The following WWOX variants were observed in gnomAD, a reference collection of about 807,000 sequenced individuals.
WWOX encodes WW domain containing oxidoreductase.
In WWOX, 69 loss-of-function variants were observed where a neutral mutation model predicts 46.2. The observed-to-expected ratio is 1.49, with a 90% CI of 1.23 to 1.82. The LOEUF is 1.82. WWOX is among the 40% of genes most tolerant of loss of function. The pLI is 0.00. For synonymous variants in WWOX, 359 were observed against 202.6 expected (o/e 1.77, Z -6.56); for missense variants, 919 against 542.6 (o/e 1.69, Z -6.89).
chr16:78,227,186 TCC>T (rs2037090030), intron 5 of WWOX, among the ~76,000 whole-genome samples: 1 of 152,238 alleles, frequency 6.6e-6, no homozygotes, highest in South Asian at 2.1e-4. Context: ...CTCTTTTTTA[TCC>T]CCAGGTAGAC....
chr16:79,005,999 C>T (rs1295008769), intron 8 of WWOX, among the ~76,000 whole-genome samples: 5 of 152,212 alleles, frequency 3.3e-5, no homozygotes, highest in Admixed American at 2.0e-4. Flanking sequence ...AGTCCCCTCT[C>T]TGCAACCATT....
chr16:78,947,993 C>G (rs1005023229), intron 8 of WWOX, among the ~76,000 whole-genome samples: 3 of 152,118 alleles, frequency 2.0e-5, no homozygotes, highest in Admixed American at 6.5e-5. Flanking sequence ...TAGAGGAAGT[C>G]AAAGGCAGAG....
At chr16:78,522,160 A>AAC (rs1567620261) in intron 8 of WWOX, among the ~76,000 whole-genome samples, 1 of 151,818 alleles carries the variant, frequency 6.6e-6, no homozygotes, top group Non-Finnish European at 1.5e-5. Flanking sequence ...AAAAAAAAAA[A>AAC]ACTTCAGAAG....
chr16:79,001,114 C>T (rs2047083814), intron 8 of WWOX, among the ~76,000 whole-genome samples: 2 of 152,208 alleles, frequency 1.3e-5, no homozygotes, highest in African/African-American at 4.8e-5. Context: ...TTTAATTAAA[C>T]ACATATCCCA....
intron 8 of WWOX, among the ~76,000 whole-genome samples, chr16:78,696,837 C>T (rs901619519): frequency 1.3e-5 from 2 of 152,066 alleles, no homozygotes; most frequent in African/African-American, 4.8e-5. Flanking sequence ...CCTCTCAGTC[C>T]CCAAAGTCCA....
At chr16:79,038,891 G>C (rs145366214) in intron 8 of WWOX, among the ~76,000 whole-genome samples, 78 of 152,258 alleles carry the variant, frequency 5.1e-4, no homozygotes, top group Non-Finnish European at 6.3e-4. Context: ...TTTTTAAAAA[G>C]ATGTAAAGCA....
intron 8 of WWOX, among the ~76,000 whole-genome samples, chr16:79,021,473 T>A (rs1210341007): frequency 1.3e-5 from 2 of 152,104 alleles, no homozygotes; most frequent in Non-Finnish European, 2.9e-5. Flanking sequence ...AATACAGTTG[T>A]CAAAATATTA....
In WWOX at chr16:78,723,218, T is replaced by C. The variant is rs112307494; in HGVS notation, c.1056+290466T>C. Among the ~76,000 whole-genome samples, 569 of 152,286 alleles carry C rather than the reference T, an allele frequency of 3.7e-3. 2 individuals carry two copies. Among genetic ancestry groups the C allele is most frequent in the African/African-American group, 0.013 (542 of 41,562 alleles). On this transcript the variant is annotated intron_variant, in intron 8 of 8. Transcript: ENST00000566780. ...TTTCTTAGCAGCTACAGAATACTTATTTTCTTCTTTATATTATAAGTTTAT... is the reference window on the plus strand; with the variant it reads ...TTTCTTAGCAGCTACAGAATACTTACTTTCTTCTTTATATTATAAGTTTAT...
chr16:78,398,216 A>T (rs1353992941), intron 6 of WWOX, among the ~76,000 whole-genome samples: 1 of 152,142 alleles, frequency 6.6e-6, no homozygotes, highest in Non-Finnish European at 1.5e-5. Context: ...CTGACCTGCA[A>T]ATAGCTACAC....
chr16:78,283,744 C>T (rs1224407202), intron 5 of WWOX, among the ~76,000 whole-genome samples: 1 of 150,700 alleles, frequency 6.6e-6, no homozygotes. Flanking sequence ...CTCCCCCAAA[C>T]AATGGTTACA....
At chr16:78,689,925 A>G (rs774450746) in intron 8 of WWOX, among the ~76,000 whole-genome samples, 12 of 152,136 alleles carry the variant, frequency 7.9e-5, no homozygotes, top group East Asian at 5.8e-4. Flanking sequence ...CAGTGATGCA[A>G]TCTTGGCTCA....
rs547718975 is a variant in WWOX at position 78,366,292 on chromosome 16, C to G, written c.517-20568C>G. On this transcript the variant is annotated intron_variant, in intron 5 of 8. Coordinates refer to ENST00000566780, the MANE Select transcript of WWOX (RefSeq NM_016373.4). ...CTTTTAGATTATTTAATAGAAGACACATTTTACAAGGCAAAGTGTTTAGAT... is the reference window on the plus strand; with the variant it reads ...CTTTTAGATTATTTAATAGAAGACAGATTTTACAAGGCAAAGTGTTTAGAT... Among the ~76,000 whole-genome samples, 5 of 152,332 alleles carry G rather than the reference C, an allele frequency of 3.3e-5. No individual in the cohort carries two copies. The East Asian group carries it at 9.6e-4, about 29-fold the overall frequency.
chr16:79,066,913 G>T (rs2048452111), intron 8 of WWOX, among the ~76,000 whole-genome samples: 1 of 152,206 alleles, frequency 6.6e-6, no homozygotes, highest in Admixed American at 6.5e-5. Flanking sequence ...TACCATTGCA[G>T]TCGAAGACAC....
intron 5 of WWOX, among the ~76,000 whole-genome samples, chr16:78,174,432 T>C (rs919034993): frequency 6.6e-6 from 1 of 152,172 alleles, no homozygotes; most frequent in South Asian, 2.1e-4. Flanking sequence ...CTGGGAGATA[T>C]AATTCAAGTT....
At chr16:78,919,141 C>T (rs1030280154) in intron 8 of WWOX, among the ~76,000 whole-genome samples, 17 of 152,278 alleles carry the variant, frequency 1.1e-4, no homozygotes, top group African/African-American at 4.1e-4. Context: ...GGAACAATGA[C>T]CGCAATAACC....
Position 78,115,253 on chromosome 16 carries a change from A to T in WWOX, c.409+99A>T. ...TTTTGTTTAGTGGTTCTCTGATTTA[A>T]ACATGACTTTTATCCTTTTCAGATA... On this transcript the variant is annotated intron_variant, in intron 4 of 8. Transcript: ENST00000566780. The T allele has an allele frequency of 9.3e-6, 13 of 1,396,616 alleles. No homozygotes were observed. The South Asian group carries it at 1.5e-4, about 17-fold the overall frequency. 86.5% of individuals were successfully genotyped at this position (1,396,616 alleles called of 1,614,324 possible).
chr16:79,088,777 A>T (rs900446682), intron 8 of WWOX, among the ~76,000 whole-genome samples: 9 of 152,154 alleles, frequency 5.9e-5, no homozygotes, highest in African/African-American at 2.2e-4. Flanking sequence ...ACTGCTTTAG[A>T]TATACTGCAG....
In WWOX at chr16:78,463,586, A is replaced by G. The variant is rs541507006; in HGVS notation, c.1056+30834A>G. 4.6e-5 allele frequency among the ~76,000 whole-genome samples: 7 copies of G among 152,328 alleles called. No homozygotes were observed. The East Asian group carries it at 9.6e-4, about 21-fold the overall frequency. On this transcript the variant is annotated intron_variant, in intron 8 of 8. Transcript: ENST00000566780. ...ATGCATAGTAGAGAAAAATGAGATG[A>G]GGTAATGAGATCACATACACTGAAG... is the stretch of plus-strand genomic sequence containing the variant.
In WWOX at chr16:78,499,381, C is replaced by G. The variant is rs554892687; in HGVS notation, c.1056+66629C>G. Reference sequence around the variant, plus strand: ...AGACCCCCTGGCTGTCCACCAGCCCCTTTGTGATAGTCTCATAGTCTTATT... The same window carrying G: ...AGACCCCCTGGCTGTCCACCAGCCCGTTTGTGATAGTCTCATAGTCTTATT... On this transcript the variant is annotated intron_variant, in intron 8 of 8. Transcript: ENST00000566780. 2.9e-4 allele frequency among the ~76,000 whole-genome samples: 44 copies of G among 152,318 alleles called. No individual in the cohort carries two copies. In the South Asian group the frequency reaches 8.7e-3, roughly 30 times the overall value.
Sources: gnomAD v4.1 joint callset for allele counts (sites outside exome capture counted in the v4.1 genomes callset) on GRCh38, gnomAD v4.1.1 for gene constraint, MANE v1.5 for transcripts, NCBI Gene and HGNC (gene_info 2026-07-23, HGNC 2026-07-21) for gene names.